The following FLRT2 variants were observed in gnomAD, a reference collection of about 807,000 sequenced individuals.
FLRT2 encodes leucine-rich repeat transmembrane protein FLRT2.
A neutral mutation model predicts 40.0 loss-of-function variants in FLRT2; 15 were observed. The observed-to-expected ratio is 0.38, with a 90% CI of 0.25 to 0.58. The LOEUF is 0.58. FLRT2 is among the 20% of genes least tolerant of loss of function. The pLI, the probability that FLRT2 is intolerant of heterozygous loss-of-function variation, is 0.71. For missense variants in FLRT2, 726 were observed against 840.0 expected (o/e 0.86, Z 1.68); for synonymous variants, 380 against 336.8 (o/e 1.13, Z -1.41).
rs1894151969 is a variant in FLRT2, at chr14:85,641,615, A to T, written c.*18118A>T. 6.6e-6 allele frequency: 1 copy of T among 152,180 alleles called. No homozygotes were observed. Among genetic ancestry groups the T allele is most frequent in the Non-Finnish European group, 1.5e-5 (1 of 68,042 alleles). The allele number at this position is 152,180 out of a possible 1,614,324, so 9.4% of individuals were successfully genotyped here. On this transcript the variant is annotated 3_prime_UTR_variant, in exon 2 of 2. Transcript: ENST00000330753. ...TTTATTCCCCTCCCCTTTCCAATTC[A>T]TTCCCTGATTTTGTGCACACCTAAT...
intron 1 of FLRT2, among the ~76,000 whole-genome samples, chr14:85,590,398 C>G (rs1013592790): frequency 1.3e-5 from 2 of 152,068 alleles, no homozygotes; most frequent in African/African-American, 4.8e-5. Flanking sequence ...GAGTTTAGAA[C>G]TTGAAAAGCA....
At position 85,637,436 on chromosome 14, in the gene FLRT2, C is replaced by T. The variant is rs1230003715; in HGVS notation, c.*13939C>T. The stretch of plus-strand genomic sequence containing the variant: ...TTTTTTAAAAGGTATAACAAAAACA[C>T]CTACCACAGTGTTGGTGTGAAGACT... On this transcript the variant is annotated 3_prime_UTR_variant, in exon 2 of 2. Coordinates refer to ENST00000330753, the MANE Select transcript of FLRT2 (RefSeq NM_013231.6). The T allele has an allele frequency of 6.6e-6, 1 of 152,210 alleles. No homozygotes were observed. The highest frequency in any genetic ancestry group is 2.4e-5 in the African/African-American group (1 of 41,446). 9.4% of individuals were successfully genotyped at this position (152,210 alleles called of 1,614,324 possible). A position where few individuals can be genotyped will look rare whatever the true frequency, so the allele number is the denominator to read the frequency against.
chr14:85,610,604 T>C (rs1892815769), intron 1 of FLRT2, among the ~76,000 whole-genome samples: 1 of 152,218 alleles, frequency 6.6e-6, no homozygotes, highest in African/African-American at 2.4e-5. Context: ...AGTCTTTCAG[T>C]TCCTGCCAGA....
chr14:85,539,827 C>CAG (rs1888880257), intron 1 of FLRT2, among the ~76,000 whole-genome samples: 1 of 152,226 alleles, frequency 6.6e-6, no homozygotes, highest in Admixed American at 6.5e-5. Flanking sequence ...GTAACCAAGA[C>CAG]AGAGTCCTGC....
chr14:85,565,045 T>C (rs917434795), intron 1 of FLRT2, among the ~76,000 whole-genome samples: 28 of 152,192 alleles, frequency 1.8e-4, no homozygotes, highest in Non-Finnish European at 8.8e-5. Flanking sequence ...TAACAGTCAG[T>C]GGTACAAAGC....
Position 85,626,404 on chromosome 14 carries a change from C to T in FLRT2, c.*2907C>T, listed in dbSNP as rs1893684847. On this transcript the variant is annotated 3_prime_UTR_variant, in exon 2 of 2. Coordinates refer to ENST00000330753, the MANE Select transcript of FLRT2 (RefSeq NM_013231.6). ...GGGAAAAAAAGCCATGCTCACTGGC[C>T]AATAAAGAGCTTGATGCTGCCTGGC... is the stretch of plus-strand genomic sequence containing the variant. The T allele has an allele frequency of 6.0e-6, 1 of 166,982 alleles. No individual in the cohort carries two copies. The highest frequency in any genetic ancestry group is 1.5e-5 in the Non-Finnish European group (1 of 68,104). 10.3% of individuals were successfully genotyped at this position (166,982 alleles called of 1,614,324 possible). A position where few individuals can be genotyped will look rare whatever the true frequency, so the allele number is the denominator to read the frequency against.
intron 1 of FLRT2, among the ~76,000 whole-genome samples, chr14:85,615,051 T>G (rs373108666): frequency 6.6e-6 from 1 of 152,212 alleles, no homozygotes; most frequent in South Asian, 2.1e-4. Flanking sequence ...ACCCAACCAG[T>G]TGCTATCAGG....
At position 85,633,644 on chromosome 14, in the gene FLRT2, A is replaced by C. The variant is rs907854155; in HGVS notation, c.*10147A>C. 1 of 151,548 alleles carries C rather than the reference A, an allele frequency of 6.6e-6. No individual in the cohort carries two copies. Among genetic ancestry groups the C allele is most frequent in the African/African-American group, 2.4e-5 (1 of 41,228 alleles). The allele number at this position is 151,548 out of a possible 1,614,324, so 9.4% of individuals were successfully genotyped here. Reference sequence around the variant, plus strand: ...TGAGACCCTATCTCTAAAAAAAAAAAAAAAAATTAGCCAGGAGTGGTGGCA... The same window carrying C: ...TGAGACCCTATCTCTAAAAAAAAAACAAAAAATTAGCCAGGAGTGGTGGCA... On this transcript the variant is annotated 3_prime_UTR_variant, in exon 2 of 2. Transcript: ENST00000330753.
chr14:85,564,509 A>G (rs569237355), intron 1 of FLRT2, among the ~76,000 whole-genome samples: 12 of 152,296 alleles, frequency 7.9e-5, no homozygotes, highest in African/African-American at 2.2e-4. Flanking sequence ...CACTGGACCA[A>G]CCAAGATTGT....
At chr14:85,590,840 C>T (rs947698396) in intron 1 of FLRT2, among the ~76,000 whole-genome samples, 1 of 152,082 alleles carries the variant, frequency 6.6e-6, no homozygotes, top group Non-Finnish European at 1.5e-5. Context: ...TCAGGTGATC[C>T]ACCTACCTTG....
intron 1 of FLRT2, among the ~76,000 whole-genome samples, chr14:85,587,716 A>T (rs1353137315): frequency 6.6e-6 from 1 of 152,168 alleles, no homozygotes; most frequent in African/African-American, 2.4e-5. Context: ...AAGACTTTAC[A>T]TAAAAACTCA....
chr14:85,571,718 A>T (rs1329487434), intron 1 of FLRT2, among the ~76,000 whole-genome samples: 1 of 152,098 alleles, frequency 6.6e-6, no homozygotes, highest in African/African-American at 2.4e-5. Context: ...TATCCAAAGA[A>T]CACAGTTAGG....
intron 1 of FLRT2, among the ~76,000 whole-genome samples, chr14:85,615,060 G>C (rs2139358849): frequency 6.6e-6 from 1 of 152,228 alleles, no homozygotes; most frequent in East Asian, 1.9e-4. Context: ...GTTGCTATCA[G>C]GAATAGCTTT....
intron 1 of FLRT2, among the ~76,000 whole-genome samples, chr14:85,592,048 T>C (rs988139974): frequency 6.6e-6 from 1 of 152,194 alleles, no homozygotes; most frequent in Non-Finnish European, 1.5e-5. Context: ...AAATTGACTT[T>C]AAAAGTGTCA....
intron 1 of FLRT2, among the ~76,000 whole-genome samples, chr14:85,602,348 T>A (rs1892414297): frequency 6.6e-6 from 1 of 152,200 alleles, no homozygotes; most frequent in Admixed American, 6.5e-5. Flanking sequence ...GACTTGGAGT[T>A]GTCACTGCAG....
In FLRT2 at chr14:85,638,171, C is replaced by T. The variant is rs35899187; in HGVS notation, c.*14674C>T. 3,652 of 152,234 alleles carry T rather than the reference C, an allele frequency of 0.024. 83 individuals carry two copies. Among genetic ancestry groups the T allele is most frequent in the East Asian group, 0.094 (484 of 5,148 alleles). 9.4% of individuals were successfully genotyped at this position (152,234 alleles called of 1,614,324 possible). The stretch of plus-strand genomic sequence containing the variant: ...AGGAGAAATGGAAGAGTTTGGAGCA[C>T]GGGCCATTGCGATGGACAGACGCCA... On this transcript the variant is annotated 3_prime_UTR_variant, in exon 2 of 2. Transcript: ENST00000330753.
rs1006300305 is a variant in FLRT2 at position 85,623,780 on chromosome 14, C to T, written c.*283C>T. On this transcript the variant is annotated 3_prime_UTR_variant, in exon 2 of 2. Coordinates refer to ENST00000330753, the MANE Select transcript of FLRT2 (RefSeq NM_013231.6). ...CTGTACAGGGTTGTACAATGAGAAC[C>T]CAATGCCAAGGCAAAAAGAACGAGT... 1 of 307,084 alleles carries T rather than the reference C, an allele frequency of 3.3e-6. No homozygotes were observed. The highest frequency in any genetic ancestry group is 2.2e-5 in the African/African-American group (1 of 46,314). 19.0% of individuals were successfully genotyped at this position (307,084 alleles called of 1,614,324 possible).
intron 1 of FLRT2, among the ~76,000 whole-genome samples, chr14:85,564,877 G>C (rs1403448588): frequency 6.6e-6 from 1 of 152,178 alleles, no homozygotes; most frequent in Non-Finnish European, 1.5e-5. Context: ...GATTTATCAT[G>C]TGATCACTAG....
intron 1 of FLRT2, among the ~76,000 whole-genome samples, chr14:85,554,960 A>T (rs1377665135): frequency 2.0e-5 from 3 of 152,168 alleles, no homozygotes; most frequent in Admixed American, 2.0e-4. Context: ...TGGATTAAAG[A>T]TCTATAACAT....
Sources: allele counts gnomAD v4.1 joint callset (sites outside exome capture counted in the v4.1 genomes callset), GRCh38; gene constraint gnomAD v4.1.1; transcripts MANE v1.5; gene names NCBI Gene and HGNC (gene_info 2026-07-23, HGNC 2026-07-21).